Variants in FBN2 observed in about 807,000 individuals in gnomAD.
FBN2 encodes fibrillin-2.
FBN2 carries 105 observed loss-of-function variants against 355.6 expected under a neutral mutation model. The ratio of observed to expected loss-of-function variants is 0.30; its 90% CI spans 0.25 to 0.35. The LOEUF is 0.35. FBN2 is among the 10% of genes least tolerant of loss of function. The probability of loss-of-function intolerance (pLI) is 1.00; values close to 1 mark genes in which losing one functional copy is unlikely to be tolerated. For synonymous variants in FBN2, 1,350 were observed against 1,301.2 expected, an observed-to-expected ratio of 1.04 and a Z score of -0.81; for missense variants, 3,280 against 3,758.7, an observed-to-expected ratio of 0.87 and a Z score of 3.33.
rs183721188 is a variant in FBN2, at chr5:128,416,204, T to C, written c.953-7405A>G. On this transcript the variant is annotated intron_variant, in intron 7 of 64. Transcript: ENST00000262464. ...TCACACCCAGCTAATTTTGTATTTT[T>C]AGTAGAGATGGGGTTTCTCCATGTT... 8.1e-4 allele frequency among the ~76,000 whole-genome samples: 123 copies of C among 152,246 alleles called. 5 individuals carry two copies. Among genetic ancestry groups the C allele is most frequent in the Admixed American group, 1.2e-3 (19 of 15,286 alleles).
chr5:128,301,281 A>C (rs1749708024), intron 47 of FBN2, 101 bp downstream of exon 47: 1 of 1,106,360 alleles, frequency 9.0e-7, no homozygotes, highest in Non-Finnish European at 1.4e-6. Flanking sequence ...TCTGATGATT[A>C]AATGAAATAT....
At chr5:128,322,648 C>T (rs982804887) in intron 34 of FBN2, among the ~76,000 whole-genome samples, 1 of 152,112 alleles carries the variant, frequency 6.6e-6, no homozygotes, top group Non-Finnish European at 1.5e-5. Context: ...GTCTGTATCT[C>T]TGTTTTGGTA....
Position 128,344,448 on chromosome 5 carries a change from C to T in FBN2, c.3280G>A (p.Gly1094Arg), listed in dbSNP as rs758659538. 6 of 1,613,382 alleles carry T rather than the reference C, an allele frequency of 3.7e-6. No individual in the cohort carries two copies. Among genetic ancestry groups the T allele is most frequent in the South Asian group, 1.1e-5 (1 of 91,074 alleles). The change falls in exon 25 of 65, where the codon GGA (glycine) becomes AGA (arginine). Residue 1094 changes from glycine to arginine, a missense_variant. Around this residue, in one of 6 missense-constraint regions of FBN2, gnomAD observed 2,284 missense variants for 2,749.5 expected, o/e 0.83. Coordinates refer to ENST00000262464, the MANE Select transcript of FBN2 (RefSeq NM_001999.4). ...CTYGKCRNTI[G>R]SFKCRCNSGF... Reference sequence around the variant, plus strand: ...CTATTGCAACGGCATTTGAAGCTTCCGATTGTATTTCTGCACTTCCCATAA... The same window carrying T: ...CTATTGCAACGGCATTTGAAGCTTCTGATTGTATTTCTGCACTTCCCATAA...
intron 62 of FBN2, among the ~76,000 whole-genome samples, chr5:128,265,160 G>C (rs950598866): frequency 6.6e-6 from 1 of 152,080 alleles, no homozygotes; most frequent in South Asian, 2.1e-4. Flanking sequence ...ATATACAAGA[G>C]ACTTGGAATT....
intron 5 of FBN2, among the ~76,000 whole-genome samples, chr5:128,500,228 T>TCAA (rs60501095): frequency 0.15 from 22,481 of 148,940 alleles, 2,362 homozygotes; most frequent in African/African-American, 0.3. Flanking sequence ...ACAGCTAATA[T>TCAA]CAACAACAAC....
chr5:128,396,287 G>T lies in FBN2; in HGVS notation c.1079-1013C>A, dbSNP rs140427118. 2.4e-3 allele frequency among the ~76,000 whole-genome samples: 358 copies of T among 152,288 alleles called. 2 individuals are homozygous for T. The highest frequency in any genetic ancestry group is 8.2e-3 in the African/African-American group (341 of 41,554). Reference sequence around the variant, plus strand: ...TCCTCTTTAAAACATGTTATATTTGGAATGTTGAATAAATGAGCCTGGAAT... The same window carrying T: ...TCCTCTTTAAAACATGTTATATTTGTAATGTTGAATAAATGAGCCTGGAAT... On this transcript the variant is annotated intron_variant, in intron 8 of 64. Transcript: ENST00000262464.
At chr5:128,464,983 G>T in intron 5 of FBN2, 62 bp from the exon 6 acceptor site, 1 of 1,434,552 alleles carries the variant, frequency 7.0e-7, no homozygotes, top group Non-Finnish European at 9.8e-7. Flanking sequence ...TTATACCAGT[G>T]CCTCCAAATG....
intron 7 of FBN2, among the ~76,000 whole-genome samples, chr5:128,432,861 G>C (rs543355697): frequency 6.6e-6 from 1 of 151,980 alleles, no homozygotes; most frequent in Non-Finnish European, 1.5e-5. Flanking sequence ...GTTCTGTATG[G>C]CTACCGAGAC....
intron 6 of FBN2, among the ~76,000 whole-genome samples, chr5:128,462,555 G>C (rs999490772): frequency 2.0e-5 from 3 of 152,110 alleles, no homozygotes; most frequent in African/African-American, 7.2e-5. Flanking sequence ...TAATCCCTCA[G>C]ATTTTTAGGC....
intron 20 of FBN2, 57 bp from the exon 21 acceptor site, chr5:128,351,062 G>C: frequency 6.3e-7 from 1 of 1,599,068 alleles, no homozygotes; most frequent in Non-Finnish European, 8.6e-7. Context: ...ATAGAATTCA[G>C]CTGTGTACAC....
At position 128,312,820 on chromosome 5, in the gene FBN2, A is replaced by C. The variant is rs750223640; in HGVS notation, c.4718-25T>G. On this transcript the variant is annotated intron_variant, in intron 36 of 64. Transcript: ENST00000262464. ...TCTGCAGAGCAACAAAGGAGCTTACAGTTGCCCTTGCTTACATAGTAAGGA... is the reference window on the plus strand; with the variant it reads ...TCTGCAGAGCAACAAAGGAGCTTACCGTTGCCCTTGCTTACATAGTAAGGA... 10 of 1,612,574 alleles carry C rather than the reference A, an allele frequency of 6.2e-6. No individual in the cohort carries two copies. The African/African-American group carries it at 1.2e-4, about 19-fold the overall frequency.
At chr5:128,372,648 T>C (rs1751972533) in intron 15 of FBN2, among the ~76,000 whole-genome samples, 1 of 152,120 alleles carries the variant, frequency 6.6e-6, no homozygotes, top group South Asian at 2.1e-4. Context: ...CATGCCACCA[T>C]GCCTGGCTAA....
At chr5:128,520,721 G>A (rs1292852121) in intron 4 of FBN2, among the ~76,000 whole-genome samples, 2 of 152,108 alleles carry the variant, frequency 1.3e-5, no homozygotes. Flanking sequence ...GCGTCACTGT[G>A]CCAATGGCCT....
At chr5:128,467,617 G>C (rs1754746683) in intron 5 of FBN2, among the ~76,000 whole-genome samples, 1 of 152,044 alleles carries the variant, frequency 6.6e-6, no homozygotes, top group African/African-American at 2.4e-5. Context: ...TTGCACTGTG[G>C]GAAAAATACT....
At chr5:128,332,594 T>C (rs1466778488) in intron 32 of FBN2, among the ~76,000 whole-genome samples, 1 of 152,204 alleles carries the variant, frequency 6.6e-6, no homozygotes, top group Non-Finnish European at 1.5e-5. Context: ...ATTTTAAATC[T>C]CACTGATTAC....
Position 128,261,826 on chromosome 5 carries a change from G to A in FBN2, c.8274C>T (p.Ser2758=), listed in dbSNP as rs10070365. ...DTEVDEENAL[S]PEACYECKIN... is the part of the protein sequence containing the mutation. ...TTTTGCACTCGTAGCATGCTTCTGGGGACAGAGCATTTTCCTCATCGACCT... is the reference window on the plus strand; with the variant it reads ...TTTTGCACTCGTAGCATGCTTCTGGAGACAGAGCATTTTCCTCATCGACCT... Residue 2758 remains serine (S), a synonymous_variant, in exon 64 of 65, where the codon TCC becomes TCT. Transcript: ENST00000262464. The A allele has an allele frequency of 0.11, 183,575 of 1,613,570 alleles. 11,242 individuals are homozygous for A. Among genetic ancestry groups the A allele is most frequent in the African/African-American group, 0.17 (13,012 of 74,964 alleles).
chr5:128,505,140 C>T lies in FBN2; in HGVS notation c.628+14133G>A, dbSNP rs537104337. 7.2e-4 allele frequency among the ~76,000 whole-genome samples: 110 copies of T among 152,296 alleles called. 1 individual carries two copies. In the South Asian group the frequency reaches 0.013, roughly 18 times the overall value. On this transcript the variant is annotated intron_variant, in intron 5 of 64. Coordinates refer to ENST00000262464, the MANE Select transcript of FBN2 (RefSeq NM_001999.4). ...CTCCCAGCCATGTGGAACTGTGTGT[C>T]AATTAAACCTCTTTCCTTTATAAAT...
chr5:128,412,684 G>T (rs186314650), intron 7 of FBN2, among the ~76,000 whole-genome samples: 91 of 152,328 alleles, frequency 6.0e-4, no homozygotes, highest in African/African-American at 2.0e-3. Flanking sequence ...TGGACAATAA[G>T]CTTAGCTAGT....
chr5:128,516,010 C>T (rs1377969771), intron 5 of FBN2, among the ~76,000 whole-genome samples: 1 of 152,160 alleles, frequency 6.6e-6, no homozygotes, highest in Non-Finnish European at 1.5e-5. Context: ...AAGATTTCAA[C>T]AATCCTTTAA....
Sources: gnomAD v4.1 joint callset for allele counts (sites outside exome capture counted in the v4.1 genomes callset) on GRCh38, gnomAD v4.1.1 for gene constraint, gnomAD v4.1.1 regional missense constraint, MANE v1.5 for transcripts, NCBI Gene and HGNC (gene_info 2026-07-23, HGNC 2026-07-21) for gene names.